PRKCE: variants seen among roughly 807,000 people sequenced by gnomAD.
PRKCE encodes protein kinase C epsilon.
PRKCE carries 16 observed loss-of-function variants against 85.4 expected under a neutral mutation model. The ratio of observed to expected loss-of-function variants is 0.19; its 90% confidence interval spans 0.13 to 0.28. The LOEUF is 0.28. PRKCE is among the 10% of genes least tolerant of loss of function. PRKCE has a pLI of 1.00. For missense variants in PRKCE, 573 were observed against 975.2 expected (o/e 0.59, Z 5.49); for synonymous variants, 388 against 371.5 (o/e 1.04, Z -0.51).
chr2:46,057,414 G>C (rs1255303693), intron 10 of PRKCE, among the ~76,000 whole-genome samples: 18 of 151,724 alleles, frequency 1.2e-4, no homozygotes, highest in Non-Finnish European at 1.2e-4. Context: ...AGGGAACCAG[G>C]ATAAGAAAAA....
chr2:45,949,515 A>G (rs1700478456), intron 2 of PRKCE, among the ~76,000 whole-genome samples: 1 of 140,424 alleles, frequency 7.1e-6, no homozygotes, highest in Admixed American at 7.5e-5. Flanking sequence ...TTTTCTCGGT[A>G]TCTTTTTCTT....
intron 1 of PRKCE, among the ~76,000 whole-genome samples, chr2:45,680,104 A>T (rs879711750): frequency 2.0e-5 from 3 of 152,254 alleles, no homozygotes; most frequent in Non-Finnish European, 4.4e-5. Context: ...GAGGGTACAG[A>T]TTTGAGGCTA....
chr2:45,975,125 A>G (rs1430710754), intron 2 of PRKCE, among the ~76,000 whole-genome samples: 1 of 152,192 alleles, frequency 6.6e-6, no homozygotes, highest in Non-Finnish European at 1.5e-5. Context: ...GGAGTAGGTT[A>G]CTTAAACTCT....
chr2:45,775,869 T>C (rs1685711825), intron 1 of PRKCE, among the ~76,000 whole-genome samples: 1 of 152,294 alleles, frequency 6.6e-6, no homozygotes, highest in South Asian at 2.1e-4. Context: ...TGTGCATTTT[T>C]CTCTCCCAAC....
intron 2 of PRKCE, among the ~76,000 whole-genome samples, chr2:45,848,309 C>CT: frequency 7.7e-6 from 1 of 129,528 alleles, no homozygotes; most frequent in Non-Finnish European, 1.7e-5. Context: ...GTTAGCAATT[C>CT]ATTTTTTTTT....
At chr2:45,673,720 C>G (rs1676284620) in intron 1 of PRKCE, among the ~76,000 whole-genome samples, 1 of 152,132 alleles carries the variant, frequency 6.6e-6, no homozygotes, top group South Asian at 2.1e-4. Flanking sequence ...TTAGGTTGAA[C>G]AAGTGTTTGT....
At chr2:46,002,601 C>T (rs1704791135) in intron 7 of PRKCE, among the ~76,000 whole-genome samples, 1 of 152,180 alleles carries the variant, frequency 6.6e-6, no homozygotes, top group Admixed American at 6.5e-5. Context: ...AGCTGTTGTG[C>T]AAGGGTTGCA....
At chr2:45,795,334 G>A (rs1480814038) in intron 1 of PRKCE, among the ~76,000 whole-genome samples, 2 of 152,150 alleles carry the variant, frequency 1.3e-5, no homozygotes, top group Non-Finnish European at 2.9e-5. Flanking sequence ...TTGAGATGGA[G>A]TGTTGCTCTT....
chr2:45,890,888 T>C (rs1695673612), intron 2 of PRKCE, among the ~76,000 whole-genome samples: 1 of 152,188 alleles, frequency 6.6e-6, no homozygotes, highest in African/African-American at 2.4e-5. Flanking sequence ...ATTTAGAAGA[T>C]GTTAGGCCCC....
chr2:45,876,730 C>T (rs1694514171), intron 2 of PRKCE, among the ~76,000 whole-genome samples: 1 of 152,196 alleles, frequency 6.6e-6, no homozygotes, highest in Admixed American at 6.5e-5. Flanking sequence ...GACAGCTTCT[C>T]ATTCTTTATA....
intron 1 of PRKCE, among the ~76,000 whole-genome samples, chr2:45,687,297 G>T (rs907015119): frequency 2.0e-5 from 3 of 151,916 alleles, no homozygotes; most frequent in Admixed American, 6.6e-5. Flanking sequence ...TGAAAAAATG[G>T]AATAAAGGTA....
intron 10 of PRKCE, among the ~76,000 whole-genome samples, chr2:46,056,056 C>G (rs776421415): frequency 6.6e-6 from 1 of 152,138 alleles, no homozygotes; most frequent in Non-Finnish European, 1.5e-5. Context: ...GGCTCTACCA[C>G]CAACAGGCTC....
At chr2:46,121,990 C>A (rs55639402) in intron 11 of PRKCE, among the ~76,000 whole-genome samples, 46,111 of 151,786 alleles carry the variant, frequency 0.3, 8,721 homozygotes, top group East Asian at 0.68. Flanking sequence ...CTCCTTTTTT[C>A]CCATTGAGAT....
intron 10 of PRKCE, among the ~76,000 whole-genome samples, chr2:46,022,578 AGCAAAT>A (rs1228570829): frequency 2.0e-5 from 3 of 152,252 alleles, no homozygotes; most frequent in Non-Finnish European, 4.4e-5. Flanking sequence ...AGCTCAATTC[AGCAAAT>A]GCTTCTACCT....
intron 1 of PRKCE, among the ~76,000 whole-genome samples, chr2:45,680,830 A>G (rs1676829099): frequency 6.6e-6 from 1 of 152,232 alleles, no homozygotes. Flanking sequence ...TAAAACAATT[A>G]GAGAGTTGTC....
intron 10 of PRKCE, among the ~76,000 whole-genome samples, chr2:46,056,538 GTTGA>G (rs1381604299): frequency 2.0e-5 from 3 of 152,048 alleles, no homozygotes; most frequent in Non-Finnish European, 4.4e-5. Flanking sequence ...AAGGTATTGC[GTTGA>G]TTAAGATAAA....
intron 14 of PRKCE, among the ~76,000 whole-genome samples, chr2:46,165,823 G>A (rs144170110): frequency 4.6e-5 from 7 of 152,348 alleles, no homozygotes; most frequent in East Asian, 3.9e-4. Flanking sequence ...GGAAGCCAGC[G>A]TAGGAGGGAG....
chr2:45,736,752 C>A (rs1252615342), intron 1 of PRKCE, among the ~76,000 whole-genome samples: 1 of 152,228 alleles, frequency 6.6e-6, no homozygotes, highest in Non-Finnish European at 1.5e-5. Context: ...CTTGAGCATC[C>A]TCCAGTAGAT....
intron 2 of PRKCE, among the ~76,000 whole-genome samples, chr2:45,957,589 G>C (rs898506173): frequency 6.6e-6 from 1 of 152,196 alleles, no homozygotes; most frequent in South Asian, 2.1e-4. Flanking sequence ...AATTCAGATA[G>C]GATAGATAAT....
Sources: allele counts gnomAD v4.1 joint callset (sites outside exome capture counted in the v4.1 genomes callset), GRCh38; gene constraint gnomAD v4.1.1; transcripts MANE v1.5; gene names NCBI Gene and HGNC (gene_info 2026-07-23, HGNC 2026-07-21).